RAB27B: variants seen among roughly 807,000 people sequenced by gnomAD.
RAB27B encodes the protein RAB27B, member RAS oncogene family.
Under a neutral mutation model 24.6 loss-of-function variants are expected in RAB27B, and 15 were observed. The ratio of observed to expected loss-of-function variants is 0.61; its 90% confidence interval spans 0.41 to 0.94. RAB27B has a LOEUF of 0.94. Ranked by LOEUF, RAB27B falls within the 40% of genes least tolerant of loss-of-function variation. RAB27B has a pLI of 0.00. For synonymous variants in RAB27B, 105 were observed against 92.5 expected, an observed-to-expected ratio of 1.14 and a Z score of -0.78; for missense variants, 261 against 266.8, an observed-to-expected ratio of 0.98 and a Z score of 0.15.
chr18:54,862,760 G>T (rs1284262114), intron 1 of RAB27B, among the ~76,000 whole-genome samples: 2 of 152,180 alleles, frequency 1.3e-5, no homozygotes, highest in East Asian at 3.9e-4. Context: ...ATCCAGGATT[G>T]CTTGGCGGTG....
chr18:54,792,344 C>T (rs756491724), intron 2 of RAB27B, among the ~76,000 whole-genome samples: 1 of 152,152 alleles, frequency 6.6e-6, no homozygotes, highest in Non-Finnish European at 1.5e-5. Flanking sequence ...CACCATGAGC[C>T]ACGGTTGCAC....
chr18:54,795,095 A>AT (rs747666570), intron 2 of RAB27B, among the ~76,000 whole-genome samples: 39 of 152,234 alleles, frequency 2.6e-4, no homozygotes, highest in Admixed American at 5.9e-4. Flanking sequence ...CTTTAGAGTG[A>AT]TTTTTTAAAA....
intron 2 of RAB27B, among the ~76,000 whole-genome samples, chr18:54,739,881 C>T (rs1213784473): frequency 3.9e-5 from 6 of 152,114 alleles, no homozygotes; most frequent in Non-Finnish European, 7.4e-5. Context: ...TATTGAGCTT[C>T]TTTATGTGAG....
At chr18:54,791,829 C>A (rs942369701) in intron 2 of RAB27B, among the ~76,000 whole-genome samples, 1 of 152,172 alleles carries the variant, frequency 6.6e-6, no homozygotes, top group African/African-American at 2.4e-5. Context: ...CTGAAGAGCA[C>A]ACTGGCACAT....
At chr18:54,774,875 C>A (rs540950925) in intron 2 of RAB27B, among the ~76,000 whole-genome samples, 1 of 152,226 alleles carries the variant, frequency 6.6e-6, no homozygotes, top group South Asian at 2.1e-4. Flanking sequence ...CCTCCCCTCA[C>A]GGGATCAGAG....
intron 2 of RAB27B, among the ~76,000 whole-genome samples, chr18:54,766,583 A>G (rs1281251176): frequency 6.6e-6 from 1 of 152,000 alleles, no homozygotes; most frequent in Non-Finnish European, 1.5e-5. Context: ...TCTAATGTTT[A>G]TGTTTCTGCA....
At chr18:54,770,947 G>A (rs1265888632) in intron 2 of RAB27B, among the ~76,000 whole-genome samples, 1 of 152,144 alleles carries the variant, frequency 6.6e-6, no homozygotes, top group Admixed American at 6.5e-5. Context: ...TAGGAGCAGA[G>A]ACACTAGTTT....
intron 1 of RAB27B, among the ~76,000 whole-genome samples, chr18:54,852,577 A>G (rs1469968956): frequency 1.3e-5 from 2 of 152,152 alleles, no homozygotes; most frequent in Non-Finnish European, 2.9e-5. Context: ...TTTAGGCTCA[A>G]GTTTCTTTGA....
intron 2 of RAB27B, among the ~76,000 whole-genome samples, chr18:54,816,397 T>C (rs1910122638): frequency 6.6e-6 from 1 of 152,224 alleles, no homozygotes; most frequent in Non-Finnish European, 1.5e-5. Flanking sequence ...CAAAAACTTG[T>C]ATTTGTAGTA....
chr18:54,813,718 G>A (rs971644518), intron 2 of RAB27B, among the ~76,000 whole-genome samples: 1 of 152,094 alleles, frequency 6.6e-6, no homozygotes, highest in South Asian at 2.1e-4. Context: ...TCTGGTATTC[G>A]TTTACAGCAA....
intron 2 of RAB27B, among the ~76,000 whole-genome samples, chr18:54,754,080 CCTAA>C (rs1383203475): frequency 6.6e-6 from 1 of 152,196 alleles, no homozygotes; most frequent in Non-Finnish European, 1.5e-5. Context: ...TGTGTCCCCA[CCTAA>C]CTCTCATCTT....
At chr18:54,850,567 A>G (rs1746138011) in intron 1 of RAB27B, among the ~76,000 whole-genome samples, 1 of 150,382 alleles carries the variant, frequency 6.6e-6, no homozygotes. Context: ...GCGTTTCACC[A>G]TGTTGGTCAG....
intron 1 of RAB27B, among the ~76,000 whole-genome samples, chr18:54,830,124 T>C (rs1342756290): frequency 1.3e-5 from 2 of 152,200 alleles, no homozygotes; most frequent in Non-Finnish European, 2.9e-5. Flanking sequence ...TTCCCCTTTC[T>C]CATAGGTCAT....
intron 2 of RAB27B, among the ~76,000 whole-genome samples, chr18:54,784,767 A>G (rs1909028184): frequency 6.6e-6 from 1 of 152,230 alleles, no homozygotes; most frequent in African/African-American, 2.4e-5. Context: ...ATAGTGCTGC[A>G]GTGAACATAT....
intron 1 of RAB27B, among the ~76,000 whole-genome samples, chr18:54,868,633 TG>T (rs1268855249): frequency 4.6e-5 from 7 of 152,242 alleles, no homozygotes; most frequent in African/African-American, 1.7e-4. Context: ...TTTGTTTGTT[TG>T]TTTTTTGAGA....
chr18:54,781,851 T>C (rs1598900322), intron 2 of RAB27B, among the ~76,000 whole-genome samples: 1 of 152,204 alleles, frequency 6.6e-6, no homozygotes. Context: ...CTCTGAAATG[T>C]TACATTTTTC....
intron 1 of RAB27B, among the ~76,000 whole-genome samples, chr18:54,841,865 T>A (rs1269813288): frequency 6.6e-6 from 1 of 152,166 alleles, no homozygotes; most frequent in Non-Finnish European, 1.5e-5. Context: ...TTCAGTCCAA[T>A]TTCCAGTCCT....
At chr18:54,720,454 A>T (rs1325722668) in intron 2 of RAB27B, among the ~76,000 whole-genome samples, 1 of 152,092 alleles carries the variant, frequency 6.6e-6, no homozygotes, top group Non-Finnish European at 1.5e-5. Context: ...TCCATCCAAA[A>T]AGACAGACAA....
In RAB27B at chr18:54,733,409, C is replaced by T. The variant is rs377572217; in HGVS notation, c.-20+15268C>T. Among the ~76,000 whole-genome samples, 42 of 152,234 alleles carry T rather than the reference C, an allele frequency of 2.8e-4. 1 individual carries two copies. The South Asian group carries it at 8.3e-3, about 30-fold the overall frequency. ...ATTATTTCCAGGGGTGCATCCATAA[C>T]ATTAATTAATCATACAGTTCTTATT... is the stretch of plus-strand genomic sequence containing the variant. On this transcript the variant is annotated intron_variant, in intron 2 of 4. Coordinates refer to the RAB27B transcript ENST00000586570.
Sources: gnomAD v4.1 joint callset for allele counts (sites outside exome capture counted in the v4.1 genomes callset) on GRCh38, gnomAD v4.1.1 for gene constraint, MANE v1.5 for transcripts, NCBI Gene and HGNC (gene_info 2026-07-23, HGNC 2026-07-21) for gene names.